Variants in VCAN observed in about 807,000 individuals in gnomAD.
The protein encoded by VCAN is versican core protein.
VCAN carries 44 observed loss-of-function variants against 245.5 expected under a neutral mutation model. The ratio of observed to expected loss-of-function variants is 0.18; its 90% confidence interval spans 0.14 to 0.23. The LOEUF is 0.23. Ranked by LOEUF, VCAN falls within the 10% of genes least tolerant of loss-of-function variation. The pLI is 1.00. For synonymous variants in VCAN, 1,413 were observed against 1,437.0 expected, an observed-to-expected ratio of 0.98 and a Z score of 0.38; for missense variants, 3,793 against 4,057.9, an observed-to-expected ratio of 0.93 and a Z score of 1.77.
intron 5 of VCAN, among the ~76,000 whole-genome samples, chr5:83,510,274 T>C (rs551680236): frequency 2.2e-4 from 33 of 152,340 alleles, no homozygotes; most frequent in African/African-American, 7.7e-4. Flanking sequence ...TTTAGATATA[T>C]AGTGAGAAAA....
intron 7 of VCAN, among the ~76,000 whole-genome samples, chr5:83,525,945 C>CTT (rs1359254349): frequency 1.4e-5 from 2 of 145,822 alleles, no homozygotes; most frequent in Non-Finnish European, 3.0e-5. Context: ...AGAGTCATCA[C>CTT]TTTTTTTTTT....
At chr5:83,572,671 A>G (rs1269629025) in intron 13 of VCAN, 111 bp downstream of exon 13, 2 of 1,350,968 alleles carry the variant, frequency 1.5e-6, no homozygotes, top group African/African-American at 1.4e-5. Flanking sequence ...GGATATGTCC[A>G]TGTATGTCAT....
chr5:83,579,258 T>TTTG (rs1171595333), intron 13 of VCAN, among the ~76,000 whole-genome samples: 1 of 24,692 alleles, frequency 4.0e-5, no homozygotes, highest in Non-Finnish European at 1.1e-4. Context: ...TGTTTGTTTG[T>TTTG]TTTGTTTTGT....
intron 2 of VCAN, among the ~76,000 whole-genome samples, chr5:83,487,106 G>T (rs1477741540): frequency 6.6e-6 from 1 of 152,046 alleles, no homozygotes; most frequent in African/African-American, 2.4e-5. Flanking sequence ...TCTACCATTG[G>T]CCTAGTTATT....
Position 83,539,136 on chromosome 5 carries a change from T to C in VCAN, c.6133T>C (p.Leu2045=), listed in dbSNP as rs939287492. 30 of 1,613,814 alleles carry C rather than the reference T, an allele frequency of 1.9e-5. No homozygotes were observed. The highest frequency in any genetic ancestry group is 2.2e-5 in the Non-Finnish European group (26 of 1,179,972). The change falls in exon 8 of 15, where the codon TTG becomes CTG. Residue 2045 remains leucine (L), a synonymous_variant. Transcript: ENST00000265077. ...AGCTTCCTCCATTATCGACGAAGGA[T>C]TGGGAGAAGTGGGTACTGTCAATGA... ...GTASSIIDEG[L]GEVGTVNEID...
chr5:83,553,744 A>G (rs1242525776), intron 11 of VCAN, among the ~76,000 whole-genome samples: 1 of 152,244 alleles, frequency 6.6e-6, no homozygotes, highest in East Asian at 1.9e-4. Context: ...TGCCAGCAGT[A>G]ATAGTTGAAA....
In VCAN at chr5:83,542,118, G is replaced by A. The variant is rs1747029345; in HGVS notation, c.9115G>A (p.Asp3039Asn). 2 of 1,614,058 alleles carry A rather than the reference G, an allele frequency of 1.2e-6. No individual in the cohort carries two copies. The highest frequency in any genetic ancestry group is 1.7e-6 in the Non-Finnish European group (2 of 1,179,966). The change falls in exon 8 of 15, where the codon GAT becomes AAT. Residue 3039 changes from aspartate (D) to asparagine (N), a missense_variant. Asp to Asn is a conservative substitution (Grantham distance 23). Transcript: ENST00000265077. Reference protein sequence around the residue: ...SEQQVAARILDSNDQATVNPV... With the variant: ...SEQQVAARILNSNDQATVNPV... Reference sequence around the variant, plus strand: ...ACAGCAAGTGGCAGCGAGAATTCTTGATTCCAATGATCAGGCAACAGTAAA... The same window carrying A: ...ACAGCAAGTGGCAGCGAGAATTCTTAATTCCAATGATCAGGCAACAGTAAA...
chr5:83,471,753 C>A lies in VCAN; in HGVS notation c.-277C>A. On this transcript the variant is annotated 5_prime_UTR_variant, in exon 1 of 15. Coordinates refer to ENST00000265077, the MANE Select transcript of VCAN (RefSeq NM_004385.5). Reference sequence around the variant, plus strand: ...ATGGGTGTCACAACCCGCATTTGAACTTGCAGGCGAGCTGCCCCGAGCCTT... The same window carrying A: ...ATGGGTGTCACAACCCGCATTTGAAATTGCAGGCGAGCTGCCCCGAGCCTT... 2.5e-6 allele frequency: 1 copy of A among 398,836 alleles called. No individual in the cohort carries two copies. Among genetic ancestry groups the A allele is most frequent in the South Asian group, 1.3e-4 (1 of 7,860 alleles). The allele number at this position is 398,836 out of a possible 1,614,324, so 24.7% of individuals were successfully genotyped here.
intron 5 of VCAN, among the ~76,000 whole-genome samples, chr5:83,508,309 C>A (rs1745541193): frequency 6.6e-6 from 1 of 152,172 alleles, no homozygotes; most frequent in South Asian, 2.1e-4. Flanking sequence ...TGAGAGTCCT[C>A]TTCTTGATTA....
In VCAN at chr5:83,580,547, C is replaced by A; in HGVS notation, c.*113C>A. 6.6e-7 allele frequency: 1 copy of A among 1,514,878 alleles called. No homozygotes were observed. The highest frequency in any genetic ancestry group is 9.0e-7 in the Non-Finnish European group (1 of 1,112,670). The allele number at this position is 1,514,878 out of a possible 1,614,324, so 93.8% of individuals were successfully genotyped here. A position where few individuals can be genotyped will look rare whatever the true frequency, so the allele number is the denominator to read the frequency against. ...CAGTTGGTTTGGATTTTTGGACCAC[C>A]GTTCAGTCATTTTGGGTTGCCGTGC... On this transcript the variant is annotated 3_prime_UTR_variant, in exon 15 of 15. Transcript: ENST00000265077.
At position 83,545,640 on chromosome 5, in the gene VCAN, G is replaced by T. The variant is rs759280814; in HGVS notation, c.9369G>T (p.Gln3123His). 3.1e-6 allele frequency: 5 copies of T among 1,613,742 alleles called. No individual in the cohort carries two copies. In the Admixed American group the frequency reaches 6.7e-5, roughly 22 times the overall value. Reference protein sequence around the residue: ...CTCVPGYSGDQCELDFDECHS... With the variant: ...CTCVPGYSGDHCELDFDECHS... ...GTGTGCCAGGATACAGCGGAGACCA[G>T]TGTGAACTTGGTAAGATGGTACTTG... Residue 3123 changes from glutamine to histidine, a missense_variant, in exon 9 of 15, where the codon CAG becomes CAT. Physicochemically the swap from Gln to His is conservative, Grantham distance 24 (BLOSUM62 0). Around this residue, in one of 5 missense-constraint regions of VCAN, gnomAD observed 3,182 missense variants for 3,250.3 expected, o/e 0.98. Coordinates refer to ENST00000265077, the MANE Select transcript of VCAN (RefSeq NM_004385.5).
rs200685807 is a variant in VCAN at position 83,521,989 on chromosome 5, C to T, written c.3683C>T (p.Ala1228Val). Residue 1228 changes from alanine (A) to valine (V), a missense_variant, in exon 7 of 15, where the codon GCG becomes GTG. Physicochemically the swap from Ala to Val is moderately conservative, Grantham distance 64. This residue lies in a region of VCAN where 3,182 missense variants were observed against 3,250.3 expected (regional missense o/e 0.98). Transcript: ENST00000265077. ...ACTTCAGCATTCAAGCCATCTTCCG[C>T]GATCACTAAGAAACCACCTCTCATC... ...HTTSAFKPSS[A>V]ITKKPPLIDR... 1.8e-5 allele frequency: 29 copies of T among 1,614,188 alleles called. No homozygotes were observed. Among genetic ancestry groups the T allele is most frequent in the Middle Eastern group, 1.7e-4 (1 of 6,060 alleles).
At chr5:83,551,697 T>G (rs1747477630) in intron 10 of VCAN, among the ~76,000 whole-genome samples, 1 of 152,130 alleles carries the variant, frequency 6.6e-6, no homozygotes, top group Non-Finnish European at 1.5e-5. Context: ...AGTTATGCCA[T>G]TATAAATCAC....
Position 83,538,579 on chromosome 5 carries a change from C to A in VCAN, c.5576C>A (p.Ala1859Glu), listed in dbSNP as rs34050047. The A allele has an allele frequency of 2.3e-3, 3,760 of 1,613,974 alleles. 88 individuals are homozygous for A. In the African/African-American group the frequency reaches 0.044, roughly 19 times the overall value. The stretch of plus-strand genomic sequence containing the variant: ...TCATTTTCATTAAACGTAGAGTATG[C>A]AATTCAAGCCGAAAAGGAAGTAGCT... ...VSSFSLNVEYAIQAEKEVAGT... is the reference protein window; with the variant it reads ...VSSFSLNVEYEIQAEKEVAGT... The change falls in exon 8 of 15, where the codon GCA (alanine) becomes GAA (glutamate). Residue 1859 changes from alanine to glutamate, a missense_variant. By Grantham distance (107) the Ala-to-Glu change is moderately radical (BLOSUM62 -1). Transcript: ENST00000265077.
rs753306511 is a variant in VCAN, at chr5:83,520,365, A to G, written c.2059A>G (p.Thr687Ala). The part of the protein sequence containing the change: ...QTEMTHRRER[T>A]ETLIPEMRTD... ...AGAAATGACACATAGAAGAGAAAGA[A>G]CAGAAACACTAATACCAGAGATGAG... The change falls in exon 7 of 15, where the codon ACA becomes GCA. Residue 687 changes from threonine (T) to alanine (A), a missense_variant. By Grantham distance (58) the Thr-to-Ala change is moderately conservative. This residue lies in a region of VCAN where 3,182 missense variants were observed against 3,250.3 expected (regional missense o/e 0.98). Transcript: ENST00000265077. 1.2e-5 allele frequency: 19 copies of G among 1,612,328 alleles called. No homozygotes were observed. The South Asian group carries it at 2.0e-4, about 17-fold the overall frequency.
At chr5:83,560,844 T>C (rs1747838257) in intron 12 of VCAN, among the ~76,000 whole-genome samples, 1 of 152,144 alleles carries the variant, frequency 6.6e-6, no homozygotes, top group South Asian at 2.1e-4. Context: ...CTTTCTTCAA[T>C]GATTCCCCCC....
chr5:83,492,144 C>A (rs1048079684), intron 3 of VCAN, among the ~76,000 whole-genome samples: 1 of 152,082 alleles, frequency 6.6e-6, no homozygotes, highest in Non-Finnish European at 1.5e-5. Flanking sequence ...TGGCACTGAT[C>A]TGAGGCACTT....
intron 1 of VCAN, among the ~76,000 whole-genome samples, chr5:83,472,778 T>TG (rs1387535126): frequency 2.0e-5 from 3 of 151,826 alleles, no homozygotes; most frequent in African/African-American, 4.8e-5. Context: ...GAGCAGAGGA[T>TG]GGGGGGTGGG....
intron 13 of VCAN, among the ~76,000 whole-genome samples, chr5:83,572,845 CAATA>C (rs1388835955): frequency 2.9e-4 from 44 of 150,678 alleles, no homozygotes; most frequent in African/African-American, 1.1e-3. Context: ...GTCCAAAGGC[CAATA>C]GACCTTTTTA....
Sources: gnomAD v4.1 joint callset for allele counts (sites outside exome capture counted in the v4.1 genomes callset) on GRCh38, gnomAD v4.1.1 for gene constraint, gnomAD v4.1.1 regional missense constraint, MANE v1.5 for transcripts, NCBI Gene and HGNC (gene_info 2026-07-23, HGNC 2026-07-21) for gene names.